Variants in LINC00632 observed in about 807,000 individuals in gnomAD.
The protein encoded by LINC00632 is long independently transcribed non-coding RNA 632, also known as ALDOA related specific transcript.
At chrX:140,765,213 C>T (rs1931667550) in intron 3 of LINC00632, among the ~76,000 whole-genome samples, 1 of 111,462 alleles carries the variant, frequency 9.0e-6, no homozygotes, top group East Asian at 2.9e-4. Flanking sequence ...TAGTAGACCT[C>T]CGGTTTTCGT....
At chrX:140,717,594 G>A (rs755895628) in intron 2 of LINC00632, among the ~76,000 whole-genome samples, 6 of 110,681 alleles carry the variant, frequency 5.4e-5, no homozygotes, top group Admixed American at 9.7e-5. Flanking sequence ...ACCACACAAC[G>A]CCCAGACTGG....
exon 4 of LINC00632, chrX:140,772,670 T>C (rs896019123): frequency 2.4e-5 from 4 of 166,714 alleles, no homozygotes; most frequent in Non-Finnish European, 4.5e-5. Flanking sequence ...ATAAAGAAAA[T>C]TGAGAAAGCA....
intron 2 of LINC00632, chrX:140,711,688 A>G (rs1366678285): frequency 3.8e-6 from 1 of 266,205 alleles, no homozygotes; most frequent in African/African-American, 2.9e-5. Context: ...CTTCCCCCCA[A>G]CACCTATCAC....
intron 2 of LINC00632, among the ~76,000 whole-genome samples, chrX:140,732,511 C>T (rs928906472): frequency 1.3e-4 from 14 of 111,825 alleles, no homozygotes; most frequent in Non-Finnish European, 2.3e-4. Context: ...CATACACACA[C>T]GTTGGCATGC....
intron 3 of LINC00632, among the ~76,000 whole-genome samples, chrX:140,740,238 C>T (rs760030406): frequency 9.0e-6 from 1 of 111,693 alleles, no homozygotes; most frequent in East Asian, 2.8e-4. Flanking sequence ...CTCTGTTTTT[C>T]TTCATAAGTA....
At chrX:140,731,940 G>A (rs774817813) in intron 2 of LINC00632, among the ~76,000 whole-genome samples, 168 of 111,267 alleles carry the variant, frequency 1.5e-3, no homozygotes, top group African/African-American at 5.2e-3. Flanking sequence ...GTGGCAGTTC[G>A]TGCCTGTAAT....
intron 3 of LINC00632, among the ~76,000 whole-genome samples, chrX:140,758,964 C>CTTTTTT (rs146312064): frequency 6.3e-5 from 5 of 78,969 alleles, no homozygotes; most frequent in African/African-American, 1.9e-4. Context: ...CTTTTCTTTT[C>CTTTTTT]TTTTTTTTTT....
chrX:140,715,612 GAAAGAAAC>G (rs762357683), intron 2 of LINC00632, among the ~76,000 whole-genome samples: 1,496 of 106,058 alleles, frequency 0.014, 15 homozygotes, highest in Non-Finnish European at 0.023. Flanking sequence ...AAGAAAGAAA[GAAAGAAAC>G]AAACAAGAAA....
At chrX:140,719,695 A>G (rs1182932437) in intron 2 of LINC00632, among the ~76,000 whole-genome samples, 1 of 110,756 alleles carries the variant, frequency 9.0e-6, no homozygotes. Context: ...TGGTCCACAT[A>G]CAGAGAAACA....
rs192224613 is a variant in LINC00632, at chrX:140,771,416, C to G, written n.192-662C>G. Among the ~76,000 whole-genome samples the G allele has an allele frequency of 9.9e-3, 1,053 of 106,663 alleles. 6 individuals are homozygous for G. The highest frequency in any genetic ancestry group is 0.016 in the Non-Finnish European group (817 of 52,148). 92.6% of individuals were successfully genotyped at this position (106,663 alleles called of 115,157 possible). On this transcript the variant is annotated intron_variant and non_coding_transcript_variant, in intron 3 of 4. Coordinates refer to ENST00000648200, the Ensembl canonical transcript of LINC00632. ...ATATAACGTGGAAAAAGGATAAGAA[C>G]AAGTATTTAAAGAGGAAAGGTGATG...
chrX:140,727,944 A>G (rs1930990265), intron 2 of LINC00632, among the ~76,000 whole-genome samples: 1 of 111,654 alleles, frequency 9.0e-6, no homozygotes, highest in Admixed American at 9.5e-5. Context: ...ACACCACATT[A>G]AGACATGTCT....
chrX:140,761,019 T>A (rs1931586409), intron 3 of LINC00632, among the ~76,000 whole-genome samples: 1 of 112,498 alleles, frequency 8.9e-6, no homozygotes, highest in South Asian at 3.7e-4. Context: ...TATGAAAGTG[T>A]GACTATCTGC....
chrX:140,724,089 C>T (rs990698683), intron 2 of LINC00632, among the ~76,000 whole-genome samples: 5 of 27,802 alleles, frequency 1.8e-4, no homozygotes, highest in African/African-American at 2.2e-4. Context: ...CACACACATT[C>T]GATACGCACA....
At chrX:140,766,618 A>T (rs957185481) in intron 3 of LINC00632, among the ~76,000 whole-genome samples, 2 of 112,245 alleles carry the variant, frequency 1.8e-5, no homozygotes, top group African/African-American at 3.2e-5. Context: ...ATGCATGGTC[A>T]TGTGATCTTA....
chrX:140,730,035 C>T (rs899526314), intron 2 of LINC00632, among the ~76,000 whole-genome samples: 1 of 109,636 alleles, frequency 9.1e-6, no homozygotes, highest in African/African-American at 3.3e-5. Context: ...CGCCACCGTG[C>T]CCAACTAATT....
chrX:140,718,135 T>G (rs1221820177), intron 2 of LINC00632, among the ~76,000 whole-genome samples: 1 of 109,864 alleles, frequency 9.1e-6, no homozygotes, highest in Non-Finnish European at 1.9e-5. Context: ...AAACTCCGTC[T>G]CAAAGAAAAA....
In LINC00632 at chrX:140,768,296, C is replaced by T. The variant is rs748139216; in HGVS notation, n.192-3782C>T. Among the ~76,000 whole-genome samples, 4 of 109,905 alleles carry T rather than the reference C, an allele frequency of 3.6e-5. No homozygotes were observed. The South Asian group carries it at 1.5e-3, about 42-fold the overall frequency. Reference sequence around the variant, plus strand: ...ACATCAAAACATATTAGTTCCATTTCCTTGACCTTACTCCCTTTCTCCTTT... The same window carrying T: ...ACATCAAAACATATTAGTTCCATTTTCTTGACCTTACTCCCTTTCTCCTTT... On this transcript the variant is annotated intron_variant and non_coding_transcript_variant, in intron 3 of 4. Transcript: ENST00000648200.
At chrX:140,765,417 G>T (rs901975434) in intron 3 of LINC00632, among the ~76,000 whole-genome samples, 1 of 112,067 alleles carries the variant, frequency 8.9e-6, no homozygotes, top group African/African-American at 3.2e-5. Context: ...AGCAAAGTTC[G>T]AGGGGAAACT....
intron 3 of LINC00632, among the ~76,000 whole-genome samples, chrX:140,763,469 C>T (rs1365997757): frequency 9.1e-6 from 1 of 109,583 alleles, no homozygotes; most frequent in East Asian, 2.9e-4. Flanking sequence ...AAAGAAAGCA[C>T]ACAGTTAAAT....
Sources: allele counts gnomAD v4.1 joint callset (sites outside exome capture counted in the v4.1 genomes callset), GRCh38; gene constraint gnomAD v4.1.1; transcripts MANE v1.5; gene names NCBI Gene and HGNC (gene_info 2026-07-23, HGNC 2026-07-21).